The following TEX2 variants were observed in gnomAD, a reference collection of about 807,000 sequenced individuals.
TEX2 encodes testis-expressed protein 2.
In TEX2, 53 loss-of-function variants were observed where a neutral mutation model predicts 106.9. The ratio of observed to expected loss-of-function variants is 0.50; its 90% CI spans 0.40 to 0.62. TEX2 has a LOEUF of 0.62. Ranked by LOEUF, TEX2 falls within the 20% of genes least tolerant of loss-of-function variation. TEX2 has a pLI of 0.00. For synonymous variants in TEX2, 523 were observed against 534.8 expected (o/e 0.98, Z 0.30); for missense variants, 1,207 against 1,379.0 (o/e 0.88, Z 1.98).
chr17:64,225,192 C>CT (rs138162329), intron 1 of TEX2, among the ~76,000 whole-genome samples: 1,968 of 152,100 alleles, frequency 0.013, 41 homozygotes, highest in African/African-American at 0.045. Context: ...TGGCTCAAGC[C>CT]TGTAATTCCA....
Position 64,217,126 on chromosome 17 carries a change from A to C in TEX2, c.-25-2884T>G, listed in dbSNP as rs564938129. Among the ~76,000 whole-genome samples the C allele has an allele frequency of 1.3e-5, 2 of 152,308 alleles. No homozygotes were observed. The highest frequency in any genetic ancestry group is 4.1e-4 in the South Asian group (2 of 4,820). The stretch of plus-strand genomic sequence containing the variant: ...AAAATGAGGGGATTAGGCTAGATAA[A>C]CAAAGGCTGCTTCCAGGCCCCAAAC... On this transcript the variant is annotated intron_variant, in intron 1 of 11. Coordinates refer to ENST00000584379, the MANE Select transcript of TEX2 (RefSeq NM_001288732.2). This position sits in a 1 kb window ranked among gnomAD's most constrained non-coding sequence, Gnocchi z 4.3.
rs898534242 is a variant in TEX2, at chr17:64,205,790, A to G, written c.1644+6784T>C. ...AAAAAGTTCTCCAAAATCCATTTCT[A>G]TTAGTTTCTGCAATGGCCTAAATAT... is the stretch of plus-strand genomic sequence containing the variant. On this transcript the variant is annotated intron_variant, in intron 2 of 11. Coordinates refer to ENST00000584379, the MANE Select transcript of TEX2 (RefSeq NM_001288732.2). The surrounding 1 kb of genome is among the most constrained non-coding windows in gnomAD (Gnocchi z 4.0). 5.9e-5 allele frequency among the ~76,000 whole-genome samples: 9 copies of G among 152,198 alleles called. No individual in the cohort carries two copies. The highest frequency in any genetic ancestry group is 2.9e-5 in the Non-Finnish European group (2 of 68,036).
chr17:64,235,796 T>C (rs191839168), intron 1 of TEX2, among the ~76,000 whole-genome samples: 9 of 152,294 alleles, frequency 5.9e-5, no homozygotes, highest in East Asian at 5.8e-4. Flanking sequence ...AGTACTAAAA[T>C]CATAAAAACT....
At chr17:64,236,499 T>C (rs1555635150) in intron 1 of TEX2, among the ~76,000 whole-genome samples, 1 of 152,168 alleles carries the variant, frequency 6.6e-6, no homozygotes, top group African/African-American at 2.4e-5. Flanking sequence ...AGGTTGACAC[T>C]GCACTCCAGC....
intron 1 of TEX2, among the ~76,000 whole-genome samples, chr17:64,242,545 G>A (rs1439705178): frequency 6.6e-6 from 1 of 152,062 alleles, no homozygotes; most frequent in Admixed American, 6.5e-5. Flanking sequence ...TCTACCAGGG[G>A]TTTGGAAGTA....
rs774642240 is a variant in TEX2, at chr17:64,154,918, T to C, written c.2854A>G (p.Ser952Gly). 9 of 1,609,298 alleles carry C rather than the reference T, an allele frequency of 5.6e-6. No individual in the cohort carries two copies. Among genetic ancestry groups the C allele is most frequent in the Admixed American group, 5.0e-5 (3 of 59,594 alleles). ...CLADSDEESS[S>G]AGSSEEDDAP... ...TCGTCTTCCTCGGAGGAGCCAGCGC[T>C]GGAGGATTCCTCATCGCTGTCCGCC... Residue 952 changes from serine to glycine, a missense_variant, in exon 9 of 12, where the codon AGC becomes GGC. Around this residue, in one of 3 missense-constraint regions of TEX2, gnomAD observed 1,067 missense variants for 1,193.6 expected, o/e 0.89. Transcript: ENST00000584379.
At chr17:64,252,098 C>A (rs192758328) in intron 1 of TEX2, among the ~76,000 whole-genome samples, 1 of 152,220 alleles carries the variant, frequency 6.6e-6, no homozygotes, top group East Asian at 1.9e-4. Context: ...TGCAGAAAAC[C>A]CATCCAGACA....
rs2030614294 is a variant in TEX2 at position 64,156,108 on chromosome 17, G to C, written c.2805-1141C>G. On this transcript the variant is annotated intron_variant, in intron 8 of 11. Coordinates refer to ENST00000584379, the MANE Select transcript of TEX2 (RefSeq NM_001288732.2). ...TTTGGTTTTCCTGATGCTGTCCTTG[G>C]GCCACCAGAGGCCCACGGGGACAGT... 3 of 152,262 alleles carry C rather than the reference G, an allele frequency of 2.0e-5. No individual in the cohort carries two copies. In the South Asian group the frequency reaches 6.2e-4, roughly 32 times the overall value. The allele number at this position is 152,262 out of a possible 1,614,324, so 9.4% of individuals were successfully genotyped here.
At chr17:64,246,839 A>G (rs1432673360) in intron 1 of TEX2, among the ~76,000 whole-genome samples, 1 of 152,208 alleles carries the variant, frequency 6.6e-6, no homozygotes, top group Non-Finnish European at 1.5e-5. Context: ...CACCTTCCAG[A>G]GTCACAGAGC....
chr17:64,257,419 C>G (rs1345477382), intron 1 of TEX2, among the ~76,000 whole-genome samples: 8 of 152,134 alleles, frequency 5.3e-5, no homozygotes, highest in African/African-American at 1.9e-4. Context: ...ACAAGTAGTC[C>G]CCACTTATCT....
intron 1 of TEX2, among the ~76,000 whole-genome samples, chr17:64,246,200 C>CT (rs1214956514): frequency 2.0e-5 from 3 of 152,204 alleles, no homozygotes; most frequent in Non-Finnish European, 4.4e-5. Flanking sequence ...ATTCTTGACT[C>CT]TAAATTTCTG....
chr17:64,210,311 T>C lies in TEX2; in HGVS notation c.1644+2263A>G, dbSNP rs1156688983. 2.0e-5 allele frequency among the ~76,000 whole-genome samples: 3 copies of C among 152,122 alleles called. No homozygotes were observed. In the East Asian group the frequency reaches 5.8e-4, roughly 29 times the overall value. On this transcript the variant is annotated intron_variant, in intron 2 of 11. Coordinates refer to ENST00000584379, the MANE Select transcript of TEX2 (RefSeq NM_001288732.2). ...TTAAAGAAGAAAGTGTCATAACATA[T>C]TGCCATGTGAAAGAAAGAAAAAAGG...
intron 8 of TEX2, among the ~76,000 whole-genome samples, chr17:64,158,398 TG>T (rs1258329195): frequency 6.6e-6 from 1 of 152,188 alleles, no homozygotes; most frequent in African/African-American, 2.4e-5. Context: ...GACCCTGATG[TG>T]GAGTGAAGCC....
At chr17:64,160,754 G>C in intron 8 of TEX2, 47 bp downstream of exon 8, 1 of 1,605,620 alleles carries the variant, frequency 6.2e-7, no homozygotes, top group Non-Finnish European at 8.5e-7. Flanking sequence ...GGAGGGAGAA[G>C]CTGGTGCCCC....
intron 5 of TEX2, among the ~76,000 whole-genome samples, chr17:64,187,565 T>C (rs1295928967): frequency 6.6e-6 from 1 of 152,166 alleles, no homozygotes; most frequent in Admixed American, 6.5e-5. Flanking sequence ...GAGCCACTTA[T>C]CTTTTTATAC....
chr17:64,152,272 T>C (rs1029145464), intron 10 of TEX2, among the ~76,000 whole-genome samples: 1 of 152,198 alleles, frequency 6.6e-6, no homozygotes, highest in African/African-American at 2.4e-5. Flanking sequence ...GCTGAACTCA[T>C]CAGTAATTTA....
rs770454319 is a variant in TEX2 at position 64,188,291 on chromosome 17, G to A, written c.2301C>T (p.Ser767=). 6.8e-6 allele frequency: 11 copies of A among 1,614,102 alleles called. No individual in the cohort carries two copies. The highest frequency in any genetic ancestry group is 6.7e-5 in the East Asian group (3 of 44,888). ...AGTCGAGAAGCATCTTCTGCCGCAC[G>A]CTGCCTGCCAGCTCCTTCTGCTTTG... ...SQPKQKELAG[S]VRQKMLLDYS... Residue 767 remains serine (S), a synonymous_variant, in exon 5 of 12, where the codon AGC becomes AGT. Coordinates refer to ENST00000584379, the MANE Select transcript of TEX2 (RefSeq NM_001288732.2).
At chr17:64,256,977 T>C (rs1555637838) in intron 1 of TEX2, among the ~76,000 whole-genome samples, 4 of 152,216 alleles carry the variant, frequency 2.6e-5, no homozygotes, top group South Asian at 2.1e-4. Context: ...ATGAAACTTA[T>C]AAAATGCATA....
In TEX2 at chr17:64,225,184, G is replaced by A. The variant is rs962800582; in HGVS notation, c.-25-10942C>T. The stretch of plus-strand genomic sequence containing the variant: ...AGAATATTGCAGGCTGGGCACAGTG[G>A]CTCAAGCCTGTAATTCCAACACTCT... On this transcript the variant is annotated intron_variant, in intron 1 of 11. Transcript: ENST00000584379. Among the ~76,000 whole-genome samples, 5 of 151,838 alleles carry A rather than the reference G, an allele frequency of 3.3e-5. No individual in the cohort carries two copies. In the East Asian group the frequency reaches 9.6e-4, roughly 29 times the overall value.
Sources: gnomAD v4.1 joint callset for allele counts (sites outside exome capture counted in the v4.1 genomes callset) on GRCh38, gnomAD v4.1.1 for gene constraint, gnomAD v4.1.1 regional missense constraint, Gnocchi (gnomAD v3.1) non-coding constraint, MANE v1.5 for transcripts, NCBI Gene and HGNC (gene_info 2026-07-23, HGNC 2026-07-21) for gene names.